BTBD7: variants seen among roughly 807,000 people sequenced by gnomAD.
The protein encoded by BTBD7 is BTB domain containing 7.
A neutral mutation model predicts 99.9 loss-of-function variants in BTBD7; 38 were observed. The ratio of observed to expected loss-of-function variants is 0.38; its 90% CI spans 0.29 to 0.50. BTBD7 has a LOEUF of 0.50. BTBD7 is among the 20% of genes least tolerant of loss of function. The pLI, the probability that BTBD7 is intolerant of heterozygous loss-of-function variation, is 0.93. For missense variants in BTBD7, 1,170 were observed against 1,394.6 expected (o/e 0.84, Z 2.57); for synonymous variants, 520 against 511.4 (o/e 1.02, Z -0.23).
intron 1 of BTBD7, among the ~76,000 whole-genome samples, chr14:93,322,016 A>G (rs923590221): frequency 2.6e-5 from 4 of 152,236 alleles, no homozygotes; most frequent in African/African-American, 9.6e-5. Context: ...ATTTCTATAT[A>G]GAGTGCAGCA....
chr14:93,321,057 A>G (rs1381293165), intron 1 of BTBD7, among the ~76,000 whole-genome samples: 1 of 152,224 alleles, frequency 6.6e-6, no homozygotes, highest in Non-Finnish European at 1.5e-5. Flanking sequence ...GAGGTTATAA[A>G]AAATGAGCTT....
At chr14:93,253,021 G>A (rs1016239789) in intron 7 of BTBD7, among the ~76,000 whole-genome samples, 2 of 152,060 alleles carry the variant, frequency 1.3e-5, no homozygotes, top group African/African-American at 4.8e-5. Flanking sequence ...TAGAGTTGGG[G>A]TTTTACCATG....
At chr14:93,310,612 G>A (rs931199404) in intron 1 of BTBD7, among the ~76,000 whole-genome samples, 4 of 152,044 alleles carry the variant, frequency 2.6e-5, no homozygotes, top group African/African-American at 9.7e-5. Context: ...GGGTGTGGTG[G>A]CACGCACCTG....
chr14:93,295,892 G>C, intron 2 of BTBD7, 78 bp downstream of exon 2: 1 of 1,328,030 alleles, frequency 7.5e-7, no homozygotes, highest in South Asian at 1.3e-5. Context: ...CACTTCTTTT[G>C]TCATCTACAG....
chr14:93,242,437 T>C lies in BTBD7; in HGVS notation c.3235A>G (p.Ser1079Gly). The C allele has an allele frequency of 6.2e-7, 1 of 1,614,234 alleles. No individual in the cohort carries two copies. The highest frequency in any genetic ancestry group is 8.5e-7 in the Non-Finnish European group (1 of 1,180,044). The change falls in exon 11 of 11, where the codon AGC becomes GGC. Residue 1079 changes from serine to glycine, a missense_variant. This residue lies in a region of BTBD7 where 495 missense variants were observed against 525.9 expected (regional missense o/e 0.94). Coordinates refer to ENST00000334746, the MANE Select transcript of BTBD7 (RefSeq NM_001002860.4). Reference sequence around the variant, plus strand: ...GATCTCTCTTCGGGAGCTTCAGAGCTACATGCAGAAAGTGAAGGTCTGTTA... The same window carrying C: ...GATCTCTCTTCGGGAGCTTCAGAGCCACATGCAGAAAGTGAAGGTCTGTTA... ...TPNRPSLSAC[S>G]SEAPEERSGR...
At chr14:93,280,224 T>G (rs1209141496) in intron 3 of BTBD7, among the ~76,000 whole-genome samples, 1 of 152,204 alleles carries the variant, frequency 6.6e-6, no homozygotes, top group Non-Finnish European at 1.5e-5. Flanking sequence ...CTGCTCATAA[T>G]TAGATACAAG....
At chr14:93,306,412 T>C (rs1398481219) in intron 1 of BTBD7, among the ~76,000 whole-genome samples, 1 of 146,346 alleles carries the variant, frequency 6.8e-6, no homozygotes, top group East Asian at 2.0e-4. Flanking sequence ...CAGACTAGCC[T>C]GGGCAACAAA....
At chr14:93,299,045 G>C (rs1352333134) in intron 1 of BTBD7, among the ~76,000 whole-genome samples, 2 of 152,084 alleles carry the variant, frequency 1.3e-5, no homozygotes, top group Non-Finnish European at 2.9e-5. Context: ...ACTGATTTGG[G>C]GACATTCATA....
rs1183136207 is a variant in BTBD7, at chr14:93,238,593, T to C, written c.*3680A>G. On this transcript the variant is annotated 3_prime_UTR_variant, in exon 11 of 11. Coordinates refer to ENST00000334746, the MANE Select transcript of BTBD7 (RefSeq NM_001002860.4). ...TTGAATTCAGTCCTAAAAATATGAA[T>C]GCCTTATAATTAATTTCAAAATAAG... The C allele has an allele frequency of 6.6e-6, 1 of 152,398 alleles. No individual in the cohort carries two copies. Among genetic ancestry groups the C allele is most frequent in the Admixed American group, 6.5e-5 (1 of 15,290 alleles). The allele number at this position is 152,398 out of a possible 1,614,324, so 9.4% of individuals were successfully genotyped here. A position where few individuals can be genotyped will look rare whatever the true frequency, so the allele number is the denominator to read the frequency against.
chr14:93,243,117 G>A, intron 10 of BTBD7, 29 bp from the exon 11 acceptor site: 5 of 1,574,710 alleles, frequency 3.2e-6, no homozygotes, highest in Non-Finnish European at 4.3e-6. Context: ...ATGGTGGGAG[G>A]GTTAAAAAAA....
intron 1 of BTBD7, among the ~76,000 whole-genome samples, chr14:93,301,437 T>TG (rs2053003505): frequency 6.6e-6 from 1 of 152,266 alleles, no homozygotes; most frequent in South Asian, 2.1e-4. Context: ...GTGATCCGTC[T>TG]GCCTTGGCCT....
intron 1 of BTBD7, among the ~76,000 whole-genome samples, chr14:93,300,786 A>ATTTTT (rs71129626): frequency 9.8e-6 from 1 of 101,770 alleles, no homozygotes; most frequent in African/African-American, 4.0e-5. Flanking sequence ...ATATATATAT[A>ATTTTT]TTTTTTTTTT....
At chr14:93,305,486 A>T (rs1566859147) in intron 1 of BTBD7, among the ~76,000 whole-genome samples, 2 of 152,218 alleles carry the variant, frequency 1.3e-5, no homozygotes, top group African/African-American at 4.8e-5. Context: ...GAAAAACAAG[A>T]AGTAGAAAAC....
rs183766234 is a variant in BTBD7, at chr14:93,299,981, A to G, written c.-106-3824T>C. On this transcript the variant is annotated intron_variant, in intron 1 of 10. Coordinates refer to ENST00000334746, the MANE Select transcript of BTBD7 (RefSeq NM_001002860.4). ...ACGGGGCATGAAGGAATGAACTTGC[A>G]TAACACACTCAGGAAAATGCTGATC... is the stretch of plus-strand genomic sequence containing the variant. Among the ~76,000 whole-genome samples the G allele has an allele frequency of 4.7e-3, 718 of 152,340 alleles. 10 individuals carry two copies. The highest frequency in any genetic ancestry group is 6.2e-3 in the Non-Finnish European group (425 of 68,026).
At chr14:93,276,744 T>C (rs934349150) in intron 3 of BTBD7, among the ~76,000 whole-genome samples, 5 of 152,094 alleles carry the variant, frequency 3.3e-5, no homozygotes, top group African/African-American at 9.7e-5. Context: ...TTCTGACAAG[T>C]TGTGTGAGAG....
In BTBD7 at chr14:93,310,520, C is replaced by T. The variant is rs555738186; in HGVS notation, c.-106-14363G>A. Among the ~76,000 whole-genome samples, 5 of 152,184 alleles carry T rather than the reference C, an allele frequency of 3.3e-5. No homozygotes were observed. In the South Asian group the frequency reaches 1.0e-3, roughly 32 times the overall value. ...GTAGTTTAATAATGTGCTTCTGACT[C>T]TTGTATTTACAGTAAATTGATAGAG... On this transcript the variant is annotated intron_variant, in intron 1 of 10. Coordinates refer to ENST00000334746, the MANE Select transcript of BTBD7 (RefSeq NM_001002860.4).
intron 1 of BTBD7, among the ~76,000 whole-genome samples, chr14:93,328,608 C>CT (rs1259320311): frequency 1.2e-5 from 1 of 85,952 alleles, no homozygotes; most frequent in African/African-American, 4.6e-5. Context: ...CTATAAAATT[C>CT]TTTAAAAAAA....
At chr14:93,282,052 A>C (rs191307918) in intron 3 of BTBD7, among the ~76,000 whole-genome samples, 2 of 152,306 alleles carry the variant, frequency 1.3e-5, no homozygotes, top group Non-Finnish European at 2.9e-5. Flanking sequence ...ATCTGTTGAA[A>C]TAGCCTTGGA....
intron 5 of BTBD7, 45 bp from the exon 6 acceptor site, chr14:93,257,400 C>A: frequency 6.4e-7 from 1 of 1,558,998 alleles, no homozygotes; most frequent in Admixed American, 2.0e-5. Context: ...TCCAAATGTT[C>A]TGAGACAGGT....
Sources: allele counts gnomAD v4.1 joint callset (sites outside exome capture counted in the v4.1 genomes callset), GRCh38; gene constraint gnomAD v4.1.1; regional missense constraint gnomAD v4.1.1; transcripts MANE v1.5; gene names NCBI Gene and HGNC (gene_info 2026-07-23, HGNC 2026-07-21).